Variants in ACTR1A observed in about 807,000 individuals in gnomAD.
The protein encoded by ACTR1A is actin related protein 1A.
ACTR1A carries 10 observed loss-of-function variants against 50.7 expected under a neutral mutation model. That is an observed-to-expected ratio of 0.20 (90% confidence interval 0.12 to 0.33). The LOEUF (loss-of-function observed/expected upper bound fraction) is 0.33, where lower values mean the gene tolerates loss of function less well. Ranked by LOEUF, ACTR1A falls within the 10% of genes least tolerant of loss-of-function variation. The probability of loss-of-function intolerance (pLI) is 1.00; values close to 1 mark genes in which losing one functional copy is unlikely to be tolerated. For missense variants in ACTR1A, 253 were observed against 491.7 expected, an observed-to-expected ratio of 0.51 and a Z score of 4.59; for synonymous variants, 177 against 184.2, an observed-to-expected ratio of 0.96 and a Z score of 0.32.
intron 1 of ACTR1A, among the ~76,000 whole-genome samples, chr10:102,498,224 C>T (rs1431855463): frequency 1.3e-5 from 2 of 151,522 alleles, no homozygotes; most frequent in Non-Finnish European, 2.9e-5. Context: ...AATATGGCAA[C>T]ATCAATATTT....
At chr10:102,483,147 G>T in intron 6 of ACTR1A, 44 bp from the exon 7 acceptor site, 1 of 1,452,924 alleles carries the variant, frequency 6.9e-7, no homozygotes, top group Non-Finnish European at 9.7e-7. Context: ...GAAATCTGGT[G>T]CACATCCAGT....
chr10:102,483,948 G>A (rs745771439), intron 6 of ACTR1A: 6 of 579,814 alleles, frequency 1.0e-5, no homozygotes, highest in Non-Finnish European at 1.5e-5. Context: ...CTGAAGAAAT[G>A]GAAGCAGCTC....
chr10:102,482,287 G>T lies in ACTR1A; in HGVS notation c.751-112C>A. ...CACTTAGTAACTGGGTGGCTATGAA[G>T]GCCAGGCTCAAGACAGACTCTACAT... On this transcript the variant is annotated intron_variant, in intron 7 of 10. Coordinates refer to ENST00000369905, the MANE Select transcript of ACTR1A (RefSeq NM_005736.4). This position sits in a 1 kb window ranked among gnomAD's most constrained non-coding sequence, Gnocchi z 5.6. 5.8e-6 allele frequency: 6 copies of T among 1,037,146 alleles called. No homozygotes were observed. The highest frequency in any genetic ancestry group is 2.4e-5 in the East Asian group (1 of 41,960). The allele number at this position is 1,037,146 out of a possible 1,614,324, so 64.2% of individuals were successfully genotyped here. A position where few individuals can be genotyped will look rare whatever the true frequency, so the allele number is the denominator to read the frequency against.
intron 1 of ACTR1A, among the ~76,000 whole-genome samples, chr10:102,495,609 A>T (rs988274063): frequency 1.3e-5 from 2 of 150,792 alleles, no homozygotes; most frequent in African/African-American, 2.4e-5. Flanking sequence ...ACGTGCCTAT[A>T]GTCCCAGTAC....
intron 1 of ACTR1A, among the ~76,000 whole-genome samples, chr10:102,494,896 C>T (rs1324686800): frequency 1.3e-5 from 2 of 152,242 alleles, no homozygotes; most frequent in Non-Finnish European, 2.9e-5. Flanking sequence ...CTGTAACCTC[C>T]GCCTCCTGGA....
chr10:102,494,940 AGTT>A (rs1469266602), intron 1 of ACTR1A, among the ~76,000 whole-genome samples: 1 of 151,924 alleles, frequency 6.6e-6, no homozygotes, highest in East Asian at 1.9e-4. Flanking sequence ...ACTCCTGAGT[AGTT>A]GTTGTTACAG....
chr10:102,480,917 G>A lies in ACTR1A; in HGVS notation c.1077C>T (p.Ser359=). 6.2e-7 allele frequency: 1 copy of A among 1,614,098 alleles called. No homozygotes were observed. The highest frequency in any genetic ancestry group is 8.5e-7 in the Non-Finnish European group (1 of 1,179,986). ...CACCGTCTTCCTCATATTCCTTTTT[G>A]GAGACCCACATCTTCTTAAAGGTGT... ...SLDTFKKMWV[S]KKEYEEDGAR... The change falls in exon 11 of 11, where the codon TCC becomes TCT. Residue 359 remains serine (S), a synonymous_variant. Coordinates refer to ENST00000369905, the MANE Select transcript of ACTR1A (RefSeq NM_005736.4).
intron 1 of ACTR1A, among the ~76,000 whole-genome samples, chr10:102,500,221 G>A (rs1002431905): frequency 6.6e-6 from 1 of 151,912 alleles, no homozygotes; most frequent in Non-Finnish European, 1.5e-5. Context: ...ATCATTTGAG[G>A]TCAGGAGTTC....
chr10:102,493,138 A>G (rs2062203226), intron 1 of ACTR1A, among the ~76,000 whole-genome samples: 1 of 152,162 alleles, frequency 6.6e-6, no homozygotes, highest in African/African-American at 2.4e-5. Context: ...ACAATGTGCA[A>G]ACTCATTGGA....
chr10:102,481,386 G>A (rs904904089), intron 9 of ACTR1A, among the ~76,000 whole-genome samples: 1 of 152,172 alleles, frequency 6.6e-6, no homozygotes, highest in East Asian at 1.9e-4. Context: ...TATTGGGGGG[G>A]GCAGGGAGAA....
chr10:102,481,183 G>C lies in ACTR1A; in HGVS notation c.988-11C>G. ...CTGAGGTGCAGATATCTGCAAAGGT[G>C]GGGGAAAGAGGAATCTGAGACTTCC... On this transcript the variant is annotated splice_polypyrimidine_tract_variant and intron_variant, in intron 9 of 10. Transcript: ENST00000369905. 6.3e-7 allele frequency: 1 copy of C among 1,576,090 alleles called. No homozygotes were observed. The highest frequency in any genetic ancestry group is 1.2e-5 in the South Asian group (1 of 85,490).
Position 102,480,871 on chromosome 10 carries a change from T to C in ACTR1A, c.1123A>G (p.Thr375Ala). ...EDGARSIHRK[T>A]F The stretch of plus-strand genomic sequence containing the variant: ...AAGATGATGTCCCGACATTAGAAGG[T>C]TTTTCTGTGGATGGATCGGGCACCG... Residue 375 changes from threonine to alanine, a missense_variant, in exon 11 of 11, where the codon ACC (threonine) becomes GCC (alanine). Thr to Ala is a moderately conservative substitution (Grantham distance 58). Transcript: ENST00000369905. 1 of 1,612,328 alleles carries C rather than the reference T, an allele frequency of 6.2e-7. No individual in the cohort carries two copies. Among genetic ancestry groups the C allele is most frequent in the Non-Finnish European group, 8.5e-7 (1 of 1,178,598 alleles).
rs750934635 is a variant in ACTR1A at position 102,502,698 on chromosome 10, G to C, written c.-51C>G. On this transcript the variant is annotated 5_prime_UTR_variant, in exon 1 of 11. Coordinates refer to ENST00000369905, the MANE Select transcript of ACTR1A (RefSeq NM_005736.4). Reference sequence around the variant, plus strand: ...AAGGAACTGCCCAGCCGGGTCCGCCGCTAGCGCCACTGACACGCATGCGCA... The same window carrying C: ...AAGGAACTGCCCAGCCGGGTCCGCCCCTAGCGCCACTGACACGCATGCGCA... The C allele has an allele frequency of 1.7e-5, 27 of 1,603,994 alleles. No individual in the cohort carries two copies. The East Asian group carries it at 3.6e-4, about 21-fold the overall frequency.
At chr10:102,500,042 AT>A (rs2062240423) in intron 1 of ACTR1A, among the ~76,000 whole-genome samples, 1 of 152,138 alleles carries the variant, frequency 6.6e-6, no homozygotes, top group African/African-American at 2.4e-5. Flanking sequence ...TCTTTCTTAA[AT>A]TTTTTTTCCC....
At position 102,480,002 on chromosome 10, in the gene ACTR1A, C is replaced by G. The variant is rs1415617659; in HGVS notation, c.*861G>C. On this transcript the variant is annotated 3_prime_UTR_variant, in exon 11 of 11. Transcript: ENST00000369905. ...GAGAGGTGGGGCCCTGGAGGCTAAG[C>G]TTAGGTGCTGTAAACATTAGTGTAG... The G allele has an allele frequency of 9.1e-6, 2 of 220,468 alleles. No individual in the cohort carries two copies. The highest frequency in any genetic ancestry group is 4.5e-5 in the African/African-American group (2 of 44,112). 13.7% of individuals were successfully genotyped at this position (220,468 alleles called of 1,614,324 possible). A position where few individuals can be genotyped will look rare whatever the true frequency, so the allele number is the denominator to read the frequency against.
intron 1 of ACTR1A, 140 bp downstream of exon 1, chr10:102,502,460 G>C: frequency 2.4e-6 from 2 of 846,280 alleles, no homozygotes; most frequent in Non-Finnish European, 2.0e-6. Flanking sequence ...ATAAGGGGAG[G>C]AAGGAGGCGG....
intron 1 of ACTR1A, among the ~76,000 whole-genome samples, chr10:102,493,160 A>G (rs1025943986): frequency 6.6e-6 from 1 of 152,186 alleles, no homozygotes; most frequent in Non-Finnish European, 1.5e-5. Context: ...TGGGCAGTAC[A>G]ACAAGGAGCC....
intron 1 of ACTR1A, 82 bp from the exon 2 acceptor site, chr10:102,490,695 T>C: frequency 8.0e-7 from 1 of 1,249,820 alleles, no homozygotes; most frequent in Non-Finnish European, 1.2e-6. Context: ...ACCATTTTTA[T>C]TTAAGAAAAG....
At position 102,485,606 on chromosome 10, in the gene ACTR1A, C is replaced by T. The variant is rs201557290; in HGVS notation, c.440+3G>A. Reference sequence around the variant, plus strand: ...GGGGCCGGGCTAGCCAGCTGCTACTCACAGGCTGAGTACAGCTTGCATGGA... The same window carrying T: ...GGGGCCGGGCTAGCCAGCTGCTACTTACAGGCTGAGTACAGCTTGCATGGA... On this transcript the variant is annotated splice_donor_region_variant and intron_variant, in intron 5 of 10. Transcript: ENST00000369905. 41 of 1,613,592 alleles carry T rather than the reference C, an allele frequency of 2.5e-5. 1 individual carries two copies. The Admixed American group carries it at 6.8e-4, about 27-fold the overall frequency.
Sources: allele counts gnomAD v4.1 joint callset (sites outside exome capture counted in the v4.1 genomes callset), GRCh38; gene constraint gnomAD v4.1.1; non-coding constraint Gnocchi (gnomAD v3.1); transcripts MANE v1.5; gene names NCBI Gene and HGNC (gene_info 2026-07-23, HGNC 2026-07-21).